Variants in SDK1 observed in about 807,000 individuals in gnomAD.
SDK1 encodes protein sidekick-1.
A neutral mutation model predicts 245.5 loss-of-function variants in SDK1; 157 were observed. The observed-to-expected ratio is 0.64, with a 90% CI of 0.56 to 0.73. SDK1 has a LOEUF of 0.73. Among genes scored for constraint, SDK1 ranks in the 30% least tolerant of loss-of-function variants. The probability of loss-of-function intolerance (pLI) is 0.00; values close to 1 mark genes in which losing one functional copy is unlikely to be tolerated. For synonymous variants in SDK1, 1,647 were observed against 1,278.5 expected (o/e 1.29, Z -6.15); for missense variants, 3,583 against 3,002.3 (o/e 1.19, Z -4.52).
At chr7:3,781,713 C>T (rs189931489) in intron 4 of SDK1, among the ~76,000 whole-genome samples, 1 of 151,568 alleles carries the variant, frequency 6.6e-6, no homozygotes, top group Non-Finnish European at 1.5e-5. Flanking sequence ...AGAAATTTGA[C>T]CAAAAATAGA....
intron 4 of SDK1, among the ~76,000 whole-genome samples, chr7:3,738,977 A>T (rs1178845153): frequency 7.9e-5 from 12 of 151,828 alleles, no homozygotes; most frequent in East Asian, 3.9e-4. Flanking sequence ...TTGTTTTTTT[A>T]AAATATTTCC....
intron 4 of SDK1, among the ~76,000 whole-genome samples, chr7:3,728,294 C>G (rs1279545159): frequency 3.9e-5 from 6 of 152,220 alleles, no homozygotes; most frequent in Non-Finnish European, 2.9e-5. Flanking sequence ...CCTGCAAGTG[C>G]TGTCTCAGGG....
chr7:3,530,491 G>C (rs1283761697), intron 1 of SDK1, among the ~76,000 whole-genome samples: 1 of 152,008 alleles, frequency 6.6e-6, no homozygotes, highest in African/African-American at 2.4e-5. Flanking sequence ...TACTGATAAT[G>C]GGTTCTCAAA....
intron 14 of SDK1, among the ~76,000 whole-genome samples, chr7:3,992,641 C>T (rs1784416227): frequency 6.6e-6 from 1 of 152,146 alleles, no homozygotes; most frequent in Admixed American, 6.5e-5. Context: ...CAAAAATGAT[C>T]TTTCTTTGAG....
intron 28 of SDK1, among the ~76,000 whole-genome samples, chr7:4,139,823 G>A (rs933202668): frequency 1.3e-5 from 2 of 152,032 alleles, no homozygotes; most frequent in African/African-American, 2.4e-5. Flanking sequence ...CTTTAGCACC[G>A]CATCAGAGGG....
chr7:3,830,274 G>A (rs1003060746), intron 5 of SDK1, among the ~76,000 whole-genome samples: 5 of 152,118 alleles, frequency 3.3e-5, no homozygotes, highest in African/African-American at 4.8e-5. Context: ...ATTATGCTGC[G>A]ATTATTGAAA....
At chr7:3,638,191 G>C (rs1782529356) in intron 2 of SDK1, among the ~76,000 whole-genome samples, 1 of 152,148 alleles carries the variant, frequency 6.6e-6, no homozygotes, top group Non-Finnish European at 1.5e-5. Flanking sequence ...CCTAGCTTTG[G>C]GTGATATTTA....
intron 4 of SDK1, among the ~76,000 whole-genome samples, chr7:3,676,920 A>G (rs982929333): frequency 1.3e-5 from 2 of 152,208 alleles, no homozygotes; most frequent in Non-Finnish European, 1.5e-5. Flanking sequence ...GCCTTGTAGT[A>G]TAGTTTGAAG....
chr7:3,672,939 T>C (rs907323524), intron 4 of SDK1, among the ~76,000 whole-genome samples: 2 of 150,728 alleles, frequency 1.3e-5, no homozygotes, highest in Non-Finnish European at 3.0e-5. Flanking sequence ...GGTTAAACTT[T>C]TTCTAGATGC....
chr7:3,446,234 T>C (rs2128590155), intron 1 of SDK1, among the ~76,000 whole-genome samples: 1 of 152,292 alleles, frequency 6.6e-6, no homozygotes, highest in Admixed American at 6.5e-5. Context: ...TGGTGTATGC[T>C]GTCTGTAACC....
rs985568269 is a variant in SDK1 at position 3,312,747 on chromosome 7, T to C, written c.298+10863T>C. 2.6e-5 allele frequency among the ~76,000 whole-genome samples: 4 copies of C among 152,092 alleles called. No individual in the cohort carries two copies. The East Asian group carries it at 5.8e-4, about 22-fold the overall frequency. ...ATGAGTGGTTACAATTCATGAACTT[T>C]AGAATGAGGAAGTCTCATATTACCT... On this transcript the variant is annotated intron_variant, in intron 1 of 44. Transcript: ENST00000404826.
At chr7:4,027,940 AAGC>A (rs1562693230) in intron 17 of SDK1, among the ~76,000 whole-genome samples, 1 of 151,868 alleles carries the variant, frequency 6.6e-6, no homozygotes, top group Non-Finnish European at 1.5e-5. Flanking sequence ...GATAGAATAA[AAGC>A]AACAAGCAGG....
chr7:4,257,112 G>A (rs1050045743), intron 44 of SDK1, among the ~76,000 whole-genome samples: 1 of 152,112 alleles, frequency 6.6e-6, no homozygotes, highest in African/African-American at 2.4e-5. Flanking sequence ...GATTGTTTTC[G>A]AAATCCAAAG....
chr7:3,386,830 TCAA>T (rs751800910), intron 1 of SDK1, among the ~76,000 whole-genome samples: 32 of 152,270 alleles, frequency 2.1e-4, no homozygotes, highest in Non-Finnish European at 1.9e-4. Context: ...TGCTCCTTCT[TCAA>T]CGTTTTGGCC....
At chr7:3,646,079 G>T (rs531801958) in intron 4 of SDK1, among the ~76,000 whole-genome samples, 1 of 151,994 alleles carries the variant, frequency 6.6e-6, no homozygotes, top group Non-Finnish European at 1.5e-5. Flanking sequence ...GGCTGGTCTC[G>T]AACTCCTGAC....
chr7:3,878,529 T>C (rs1424381628), intron 5 of SDK1, among the ~76,000 whole-genome samples: 2 of 152,040 alleles, frequency 1.3e-5, no homozygotes, highest in Non-Finnish European at 1.5e-5. Flanking sequence ...AAAAATAAAA[T>C]AAAATGAAAT....
At chr7:3,541,228 T>C (rs1294368524) in intron 1 of SDK1, among the ~76,000 whole-genome samples, 2 of 152,378 alleles carry the variant, frequency 1.3e-5, no homozygotes, top group Admixed American at 1.3e-4. Context: ...GTCGAGAGTT[T>C]ATAAGTCATT....
intron 7 of SDK1, chr7:3,958,301 G>A (rs780971467): frequency 1.8e-5 from 5 of 279,758 alleles, no homozygotes; most frequent in South Asian, 1.3e-4. Context: ...GCTCTCCAAG[G>A]AAATTCATTG....
At chr7:3,918,997 C>G (rs1328386597) in intron 5 of SDK1, among the ~76,000 whole-genome samples, 1 of 152,188 alleles carries the variant, frequency 6.6e-6, no homozygotes, top group Non-Finnish European at 1.5e-5. Flanking sequence ...TCATCATTAG[C>G]CCATTAACTC....
Sources: allele counts gnomAD v4.1 joint callset (sites outside exome capture counted in the v4.1 genomes callset), GRCh38; gene constraint gnomAD v4.1.1; transcripts MANE v1.5; gene names NCBI Gene and HGNC (gene_info 2026-07-23, HGNC 2026-07-21).